EHBP1: variants seen among roughly 807,000 people sequenced by gnomAD.
The protein encoded by EHBP1 is EH domain-binding protein 1.
In EHBP1, 55 loss-of-function variants were observed where a neutral mutation model predicts 144.0. The observed-to-expected ratio is 0.38, with a 90% CI of 0.31 to 0.48. The LOEUF (loss-of-function observed/expected upper bound fraction) is 0.48. Among genes scored for constraint, EHBP1 ranks in the 20% least tolerant of loss-of-function variants. The pLI is 0.98. For synonymous variants in EHBP1, 469 were observed against 472.7 expected, an observed-to-expected ratio of 0.99 and a Z score of 0.10; for missense variants, 1,200 against 1,364.2, an observed-to-expected ratio of 0.88 and a Z score of 1.90.
intron 2 of EHBP1, among the ~76,000 whole-genome samples, chr2:62,741,397 C>G (rs2038695327): frequency 6.6e-6 from 1 of 152,054 alleles, no homozygotes; most frequent in South Asian, 2.1e-4. Context: ...TATTACTTCC[C>G]CTTTCATAAT....
At chr2:62,965,703 T>C (rs1461755035) in intron 14 of EHBP1, among the ~76,000 whole-genome samples, 1 of 152,204 alleles carries the variant, frequency 6.6e-6, no homozygotes, top group Non-Finnish European at 1.5e-5. Context: ...ATGAATTGAC[T>C]TGAACAAAGA....
At chr2:62,898,286 AAGATT>A (rs536695531) in intron 10 of EHBP1, among the ~76,000 whole-genome samples, 1 of 152,326 alleles carries the variant, frequency 6.6e-6, no homozygotes, top group South Asian at 2.1e-4. Flanking sequence ...GCATAAAATA[AAGATT>A]TTTATTGAAT....
rs988562337 is a variant in EHBP1, at chr2:62,717,716, TA to T, written c.104+10429del. On this transcript the variant is annotated intron_variant, in intron 2 of 22. Transcript: ENST00000431489. ...AATAGTTTTAATAAAGTTTTTTTTT[TA>T]AAAAAAACCTATAAAATTTAACTTT... 6.6e-5 allele frequency among the ~76,000 whole-genome samples: 10 copies of T among 151,982 alleles called. No individual in the cohort carries two copies. In the South Asian group the frequency reaches 1.0e-3, roughly 16 times the overall value.
intron 5 of EHBP1, among the ~76,000 whole-genome samples, chr2:62,792,162 G>T (rs1419234669): frequency 1.3e-5 from 2 of 152,032 alleles, no homozygotes; most frequent in Non-Finnish European, 2.9e-5. Flanking sequence ...AGGTATGTCA[G>T]TTGATACAGT....
At chr2:62,742,097 G>C (rs1030321416) in intron 2 of EHBP1, among the ~76,000 whole-genome samples, 1 of 152,130 alleles carries the variant, frequency 6.6e-6, no homozygotes, top group Non-Finnish European at 1.5e-5. Flanking sequence ...TTCTAGCCTA[G>C]GAGTGATAGG....
intron 10 of EHBP1, among the ~76,000 whole-genome samples, chr2:62,940,676 G>A (rs1346799921): frequency 6.6e-6 from 1 of 152,022 alleles, no homozygotes; most frequent in Non-Finnish European, 1.5e-5. Flanking sequence ...ACGGCTCTAT[G>A]ATTTTCTTTC....
At position 62,731,315 on chromosome 2, in the gene EHBP1, T is replaced by A. The variant is rs2037573855; in HGVS notation, c.105-16080T>A. Among the ~76,000 whole-genome samples the A allele has an allele frequency of 2.6e-5, 4 of 152,176 alleles. No individual in the cohort carries two copies. In the South Asian group the frequency reaches 8.3e-4, roughly 31 times the overall value. On this transcript the variant is annotated intron_variant, in intron 2 of 22. Coordinates refer to ENST00000431489, the MANE Select transcript of EHBP1 (RefSeq NM_001142616.3). ...TTATGTATTTTAGGAGTTTTGTTGA[T>A]TTTTTGGGACTTTCTGCATAGACAA...
At chr2:62,965,413 G>A (rs1159960788) in intron 14 of EHBP1, among the ~76,000 whole-genome samples, 1 of 152,140 alleles carries the variant, frequency 6.6e-6, no homozygotes, top group Non-Finnish European at 1.5e-5. Context: ...TTTTGATACT[G>A]TATAAGAATC....
At chr2:62,698,819 C>A (rs371279561) in intron 1 of EHBP1, among the ~76,000 whole-genome samples, 1 of 152,184 alleles carries the variant, frequency 6.6e-6, no homozygotes, top group Non-Finnish European at 1.5e-5. Context: ...CTTGCCCTGC[C>A]CAGAAGATTG....
At chr2:62,703,898 A>G (rs941043984), upstream of EHBP1, among the ~76,000 whole-genome samples, 1 of 152,256 alleles carries the variant, frequency 6.6e-6, no homozygotes, top group Non-Finnish European at 1.5e-5. Context: ...ATGACCACAT[A>G]AGAAAGTTTG....
chr2:63,014,285 C>T (rs1287039144), intron 19 of EHBP1, among the ~76,000 whole-genome samples: 1 of 152,036 alleles, frequency 6.6e-6, no homozygotes, highest in East Asian at 1.9e-4. Context: ...TCTAATCTGC[C>T]CCTTTAGCTG....
At chr2:62,699,956 T>G (rs149546412) in intron 1 of EHBP1, among the ~76,000 whole-genome samples, 1 of 152,326 alleles carries the variant, frequency 6.6e-6, no homozygotes, top group Admixed American at 6.5e-5. Flanking sequence ...CAAAATTGTA[T>G]TTTTAGTATA....
chr2:62,886,241 A>C (rs1282506096), intron 10 of EHBP1, among the ~76,000 whole-genome samples: 3 of 152,224 alleles, frequency 2.0e-5, no homozygotes, highest in African/African-American at 7.2e-5. Flanking sequence ...ACACACAATC[A>C]ATGTGTTAAT....
chr2:62,686,531 G>T (rs557166318), intron 1 of EHBP1, among the ~76,000 whole-genome samples: 1 of 152,074 alleles, frequency 6.6e-6, no homozygotes, highest in African/African-American at 2.4e-5. Context: ...TGGAGCTAAC[G>T]GCAAGTTCCA....
At chr2:62,910,595 GA>G (rs975436397) in intron 10 of EHBP1, among the ~76,000 whole-genome samples, 186 of 145,734 alleles carry the variant, frequency 1.3e-3, no homozygotes, top group Admixed American at 3.2e-3. Context: ...TTTGTTGAAT[GA>G]AAAAAAAAAA....
intron 5 of EHBP1, among the ~76,000 whole-genome samples, chr2:62,813,051 G>A (rs1337877056): frequency 6.6e-6 from 1 of 152,154 alleles, no homozygotes; most frequent in Admixed American, 6.5e-5. Flanking sequence ...GATATTCCAG[G>A]CTGCCTGTCC....
chr2:62,894,952 A>AGAGAGAGAGAGAAT (rs1553463519), intron 10 of EHBP1, among the ~76,000 whole-genome samples: 1 of 151,502 alleles, frequency 6.6e-6, no homozygotes, highest in African/African-American at 2.4e-5. Context: ...AGAGAGAGAG[A>AGAGAGAGAGAGAAT]GAGAATGCTG....
At chr2:62,712,877 G>A (rs1009856991) in intron 2 of EHBP1, among the ~76,000 whole-genome samples, 5 of 152,054 alleles carry the variant, frequency 3.3e-5, no homozygotes, top group African/African-American at 1.2e-4. Flanking sequence ...GTGCATATCT[G>A]TTTACAAAAA....
intron 9 of EHBP1, among the ~76,000 whole-genome samples, chr2:62,873,614 G>A (rs1406032713): frequency 2.0e-5 from 3 of 152,088 alleles, no homozygotes; most frequent in Non-Finnish European, 4.4e-5. Context: ...TCAGACTCAG[G>A]AAATACAAGG....
Sources: gnomAD v4.1 joint callset for allele counts (sites outside exome capture counted in the v4.1 genomes callset) on GRCh38, gnomAD v4.1.1 for gene constraint, MANE v1.5 for transcripts, NCBI Gene and HGNC (gene_info 2026-07-23, HGNC 2026-07-21) for gene names.